EPS15L1: variants seen among roughly 807,000 people sequenced by gnomAD.
EPS15L1 encodes the protein epidermal growth factor receptor substrate 15-like 1.
Under a neutral mutation model 117.1 loss-of-function variants are expected in EPS15L1, and 43 were observed. The ratio of observed to expected loss-of-function variants is 0.37; its 90% confidence interval spans 0.29 to 0.47. The LOEUF is 0.47. Among genes scored for constraint, EPS15L1 ranks in the 20% least tolerant of loss-of-function variants. The pLI is 0.99. For missense variants in EPS15L1, 981 were observed against 1,164.0 expected, an observed-to-expected ratio of 0.84 and a Z score of 2.29; for synonymous variants, 459 against 470.5, an observed-to-expected ratio of 0.98 and a Z score of 0.32.
At chr19:16,397,813 A>G (rs927148174) in intron 16 of EPS15L1, among the ~76,000 whole-genome samples, 2 of 152,186 alleles carry the variant, frequency 1.3e-5, no homozygotes, top group African/African-American at 4.8e-5. Context: ...TTTGTCATAT[A>G]CATGGGAACA....
chr19:16,355,409 CGACTGACCGCT>C lies in EPS15L1; in HGVS notation c.*285_*295del, dbSNP rs1181782458. Reference sequence around the variant, plus strand: ...GGAAGCCCTGGGTGCTTCCTCTCCTCGACTGACCGCTGTGTGTTCGTCCCCAGAGGAAGAGC... The same window carrying C: ...GGAAGCCCTGGGTGCTTCCTCTCCTCGTGTGTTCGTCCCCAGAGGAAGAGC... On this transcript the variant is annotated 3_prime_UTR_variant, in exon 24 of 24. Transcript: ENST00000455140. The C allele has an allele frequency of 1.1e-5, 4 of 376,776 alleles. No individual in the cohort carries two copies. The highest frequency in any genetic ancestry group is 8.1e-5 in the African/African-American group (4 of 49,474). 23.3% of individuals were successfully genotyped at this position (376,776 alleles called of 1,614,324 possible). A position where few individuals can be genotyped will look rare whatever the true frequency, so the allele number is the denominator to read the frequency against.
intron 13 of EPS15L1, among the ~76,000 whole-genome samples, chr19:16,410,789 T>G (rs966236134): frequency 6.6e-6 from 1 of 152,098 alleles, no homozygotes; most frequent in African/African-American, 2.4e-5. Flanking sequence ...GGTGCATGCC[T>G]GTAGTCCCAG....
At chr19:16,440,613 G>T in intron 4 of EPS15L1, 3 of 268,420 alleles carry the variant, frequency 1.1e-5, no homozygotes, top group Non-Finnish European at 2.1e-5. Context: ...TTAATCACAT[G>T]TAAGGTTACA....
intron 1 of EPS15L1, among the ~76,000 whole-genome samples, chr19:16,465,414 T>TG (rs1205545065): frequency 1.3e-5 from 2 of 152,156 alleles, no homozygotes; most frequent in African/African-American, 4.8e-5. Flanking sequence ...CTGGGAGTGG[T>TG]GGCTCACACC....
At position 16,425,036 on chromosome 19, in the gene EPS15L1, T is replaced by C. The variant is rs373934961; in HGVS notation, c.792+47A>G. On this transcript the variant is annotated intron_variant, in intron 9 of 23. Coordinates refer to ENST00000455140, the MANE Select transcript of EPS15L1 (RefSeq NM_001258374.3). ...GCATGTTAAGAACTCCCGAGAAACA[T>C]CCTACTGTGCTCTGAGAGGGGGCTG... 9 of 1,469,462 alleles carry C rather than the reference T, an allele frequency of 6.1e-6. No individual in the cohort carries two copies. In the African/African-American group the frequency reaches 1.2e-4, roughly 20 times the overall value. 91.0% of individuals were successfully genotyped at this position (1,469,462 alleles called of 1,614,324 possible). A position where few individuals can be genotyped will look rare whatever the true frequency, so the allele number is the denominator to read the frequency against.
intron 15 of EPS15L1, among the ~76,000 whole-genome samples, chr19:16,403,266 C>T (rs1007394489): frequency 1.3e-5 from 2 of 152,172 alleles, no homozygotes; most frequent in Admixed American, 1.3e-4. Flanking sequence ...GGGGGCGTCC[C>T]AGGCAGCTTA....
rs1191674825 is a variant in EPS15L1, at chr19:16,370,530, T to G, written c.2380+6592A>C. Among the ~76,000 whole-genome samples, 4 of 152,096 alleles carry G rather than the reference T, an allele frequency of 2.6e-5. No homozygotes were observed. Among genetic ancestry groups the G allele is most frequent in the Non-Finnish European group, 5.9e-5 (4 of 68,002 alleles). ...GCCACTCTAGGCCTGCACCCCACCC[T>G]GCAGCCCCCCAGGCCTCAGCATTTG... On this transcript the variant is annotated intron_variant, in intron 22 of 23. Coordinates refer to ENST00000455140, the MANE Select transcript of EPS15L1 (RefSeq NM_001258374.3). This position sits in a 1 kb window ranked among gnomAD's most constrained non-coding sequence, Gnocchi z 5.2.
At chr19:16,455,272 C>T (rs1284082502) in intron 1 of EPS15L1, among the ~76,000 whole-genome samples, 2 of 152,170 alleles carry the variant, frequency 1.3e-5, no homozygotes, top group Non-Finnish European at 2.9e-5. Flanking sequence ...CATGCACCAC[C>T]ATGTGTGGCT....
rs186004979 is a variant in EPS15L1, at chr19:16,435,731, G to A, written c.372+1206C>T. On this transcript the variant is annotated intron_variant, in intron 6 of 23. Coordinates refer to ENST00000455140, the MANE Select transcript of EPS15L1 (RefSeq NM_001258374.3). ...TCAGAAGCCCAGAAATGTTCACAAC[G>A]GAAACAAACACTTGGCACTTCGGGC... is the stretch of plus-strand genomic sequence containing the variant. Among the ~76,000 whole-genome samples the A allele has an allele frequency of 1.4e-4, 21 of 152,090 alleles. No individual in the cohort carries two copies. The East Asian group carries it at 3.7e-3, about 27-fold the overall frequency.
At chr19:16,392,576 A>C in intron 18 of EPS15L1, 136 bp from the exon 19 acceptor site, 3 of 853,884 alleles carry the variant, frequency 3.5e-6, no homozygotes, top group Non-Finnish European at 5.4e-6. Context: ...AAACAGGATA[A>C]TGGTGGCCAG....
chr19:16,464,661 A>G (rs1451607106), intron 1 of EPS15L1, among the ~76,000 whole-genome samples: 2 of 152,198 alleles, frequency 1.3e-5, no homozygotes, highest in Admixed American at 6.6e-5. Flanking sequence ...CCCATGGCCT[A>G]GACCAGGGGT....
intron 6 of EPS15L1, chr19:16,434,779 G>A (rs1286991570): frequency 6.7e-6 from 2 of 299,812 alleles, no homozygotes; most frequent in Non-Finnish European, 1.3e-5. Flanking sequence ...AGTGTGGCAG[G>A]AGTCTCCCAT....
Position 16,442,028 on chromosome 19 carries a change from C to T in EPS15L1, c.76-47G>A, listed in dbSNP as rs773852868. On this transcript the variant is annotated intron_variant, in intron 2 of 23. Coordinates refer to ENST00000455140, the MANE Select transcript of EPS15L1 (RefSeq NM_001258374.3). ...CAAAATAACTTTTCAGCAAATGCAGCAGCAGGTGAAGTGGCACCCGCCACG... is the reference window on the plus strand; with the variant it reads ...CAAAATAACTTTTCAGCAAATGCAGTAGCAGGTGAAGTGGCACCCGCCACG... The T allele has an allele frequency of 2.6e-6, 4 of 1,559,870 alleles. No individual in the cohort carries two copies. In the Admixed American group the frequency reaches 5.2e-5, roughly 20 times the overall value.
intron 1 of EPS15L1, among the ~76,000 whole-genome samples, chr19:16,450,105 C>T (rs1194951550): frequency 1.3e-5 from 2 of 151,528 alleles, no homozygotes; most frequent in Admixed American, 6.6e-5. Flanking sequence ...AAAATAGCCA[C>T]GCATGGTGGC....
intron 10 of EPS15L1, 80 bp downstream of exon 10, chr19:16,421,238 CT>C (rs1333972714): frequency 4.1e-6 from 6 of 1,475,958 alleles, no homozygotes; most frequent in South Asian, 1.3e-5. Context: ...AGGGGGCCCC[CT>C]GACCACCACC....
chr19:16,421,244 A>T, intron 10 of EPS15L1, 75 bp downstream of exon 10: 5 of 1,494,094 alleles, frequency 3.3e-6, no homozygotes, highest in Non-Finnish European at 4.5e-6. Context: ...CCCCCTGACC[A>T]CCACCCTCCA....
In EPS15L1 at chr19:16,372,578, G is replaced by C. The variant is rs188140494; in HGVS notation, c.2380+4544C>G. On this transcript the variant is annotated intron_variant, in intron 22 of 23. Transcript: ENST00000455140. ...AAACTGTGACCTCACAGGGAGAAAA[G>C]GGCCCAATTAATGACTCCCAGAATG... Among the ~76,000 whole-genome samples, 37 of 152,314 alleles carry C rather than the reference G, an allele frequency of 2.4e-4. No individual in the cohort carries two copies. The East Asian group carries it at 6.8e-3, about 28-fold the overall frequency.
intron 21 of EPS15L1, among the ~76,000 whole-genome samples, chr19:16,378,226 T>C (rs2092320245): frequency 6.6e-6 from 1 of 151,994 alleles, no homozygotes. Context: ...AGGCACTTCC[T>C]ATAGGGAAGC....
At position 16,371,627 on chromosome 19, in the gene EPS15L1, G is replaced by C. The variant is rs533389774; in HGVS notation, c.2380+5495C>G. 6.6e-6 allele frequency among the ~76,000 whole-genome samples: 1 copy of C among 152,178 alleles called. No homozygotes were observed. Among genetic ancestry groups the C allele is most frequent in the Non-Finnish European group, 1.5e-5 (1 of 68,028 alleles). ...TAGAACTGCGCTGGCTGGTGTCACC[G>C]GGCGCTGCAGGCAGGAACCGCAACG... is the stretch of plus-strand genomic sequence containing the variant. On this transcript the variant is annotated intron_variant, in intron 22 of 23. Transcript: ENST00000455140. The surrounding 1 kb of genome is among the most constrained non-coding windows in gnomAD (Gnocchi z 4.7).
Sources: gnomAD v4.1 joint callset for allele counts (sites outside exome capture counted in the v4.1 genomes callset) on GRCh38, gnomAD v4.1.1 for gene constraint, Gnocchi (gnomAD v3.1) non-coding constraint, MANE v1.5 for transcripts, NCBI Gene and HGNC (gene_info 2026-07-23, HGNC 2026-07-21) for gene names.